PTPRD: variants seen among roughly 807,000 people sequenced by gnomAD.
The protein encoded by PTPRD is protein tyrosine phosphatase receptor type D, also known as receptor-type tyrosine-protein phosphatase delta.
PTPRD carries 34 observed loss-of-function variants against 214.5 expected under a neutral mutation model. That is an observed-to-expected ratio of 0.16 (90% CI 0.12 to 0.21). The LOEUF (loss-of-function observed/expected upper bound fraction) is 0.21, where lower values mean the gene tolerates loss of function less well. Ranked by LOEUF, PTPRD falls within the 10% of genes least tolerant of loss-of-function variation. PTPRD has a pLI of 1.00. For missense variants in PTPRD, 2,545 were observed against 2,398.7 expected (o/e 1.06, Z -1.27); for synonymous variants, 1,128 against 845.7 (o/e 1.33, Z -5.79).
chr9:8,577,015 C>T (rs868233250), intron 14 of PTPRD, among the ~76,000 whole-genome samples: 1 of 152,138 alleles, frequency 6.6e-6, no homozygotes, highest in Non-Finnish European at 1.5e-5. Flanking sequence ...CACAATGCAG[C>T]TAGAGCCAAG....
intron 11 of PTPRD, among the ~76,000 whole-genome samples, chr9:8,903,936 T>A (rs7032026): frequency 0.056 from 8,488 of 152,286 alleles, 744 homozygotes; most frequent in African/African-American, 0.19. Flanking sequence ...TGTCTCATAG[T>A]AGATTTGTAA....
intron 37 of PTPRD, among the ~76,000 whole-genome samples, chr9:8,385,662 T>C (rs1008489480): frequency 6.6e-6 from 1 of 152,182 alleles, no homozygotes; most frequent in African/African-American, 2.4e-5. Flanking sequence ...TAAGGAAACG[T>C]ATCTTCAGTG....
intron 33 of PTPRD, among the ~76,000 whole-genome samples, chr9:8,457,169 A>C (rs2096239641): frequency 6.6e-6 from 1 of 152,124 alleles, no homozygotes; most frequent in South Asian, 2.1e-4. Context: ...CTAACTTTGT[A>C]ATGAAGAAAT....
At chr9:9,572,345 T>G (rs1180189445) in intron 8 of PTPRD, among the ~76,000 whole-genome samples, 1 of 151,326 alleles carries the variant, frequency 6.6e-6, no homozygotes, top group Admixed American at 6.6e-5. Flanking sequence ...TATTTAAGAA[T>G]GTAAGAATGT....
intron 2 of PTPRD, among the ~76,000 whole-genome samples, chr9:10,378,027 C>A (rs1282356448): frequency 6.6e-6 from 1 of 152,038 alleles, no homozygotes; most frequent in Non-Finnish European, 1.5e-5. Flanking sequence ...TCCCTGCTAA[C>A]AGCATATGAG....
intron 8 of PTPRD, among the ~76,000 whole-genome samples, chr9:9,449,686 T>G (rs1300704955): frequency 2.0e-5 from 3 of 152,024 alleles, no homozygotes; most frequent in African/African-American, 7.2e-5. Flanking sequence ...AAATGATTTT[T>G]GGATGTGTAT....
chr9:9,943,663 T>C (rs2092039442), intron 4 of PTPRD, among the ~76,000 whole-genome samples: 1 of 151,968 alleles, frequency 6.6e-6, no homozygotes, highest in Non-Finnish European at 1.5e-5. Context: ...GTGTAGTCAT[T>C]TCAAGAAAGC....
rs1415114902 is a variant in PTPRD, at chr9:9,249,285, G to A, written c.-202-65922C>T. Among the ~76,000 whole-genome samples, 4 of 152,086 alleles carry A rather than the reference G, an allele frequency of 2.6e-5. No homozygotes were observed. The East Asian group carries it at 5.8e-4, about 22-fold the overall frequency. ...CTTCCATCATAAGTAAAGGCTACCT[G>A]AGGGCTCACCAGAATCAGACGCTGG... On this transcript the variant is annotated intron_variant, in intron 9 of 45. Coordinates refer to ENST00000381196, the MANE Select transcript of PTPRD (RefSeq NM_002839.4).
chr9:9,425,986 C>A (rs1418953352), intron 8 of PTPRD, among the ~76,000 whole-genome samples: 2 of 152,126 alleles, frequency 1.3e-5, no homozygotes, highest in African/African-American at 4.8e-5. Flanking sequence ...ATGAGAGACA[C>A]AGAAGATGGG....
At chr9:10,131,056 A>C (rs2098872047) in intron 3 of PTPRD, among the ~76,000 whole-genome samples, 1 of 152,168 alleles carries the variant, frequency 6.6e-6, no homozygotes, top group Non-Finnish European at 1.5e-5. Flanking sequence ...AGCACAAAAC[A>C]AGAACAAAAA....
At chr9:9,922,850 A>T (rs777958183) in intron 5 of PTPRD, among the ~76,000 whole-genome samples, 6 of 152,034 alleles carry the variant, frequency 3.9e-5, no homozygotes, top group Non-Finnish European at 8.8e-5. Flanking sequence ...GACTGAAGAG[A>T]TATGACAACT....
chr9:9,380,109 T>C (rs917584930), intron 9 of PTPRD, among the ~76,000 whole-genome samples: 1 of 152,064 alleles, frequency 6.6e-6, no homozygotes, highest in Non-Finnish European at 1.5e-5. Context: ...TTGAGTGTCT[T>C]ACCATTAAGT....
chr9:9,571,327 A>G (rs191713595), intron 8 of PTPRD, among the ~76,000 whole-genome samples: 2 of 151,472 alleles, frequency 1.3e-5, no homozygotes, highest in South Asian at 2.1e-4. Flanking sequence ...TTCTCTCTCT[A>G]TATATATCTC....
chr9:9,852,092 G>T (rs960146727), intron 5 of PTPRD, among the ~76,000 whole-genome samples: 1 of 151,776 alleles, frequency 6.6e-6, no homozygotes, highest in Non-Finnish European at 1.5e-5. Context: ...ATAAAACAAG[G>T]GAAGATCGAT....
intron 3 of PTPRD, among the ~76,000 whole-genome samples, chr9:10,116,856 C>T (rs1038104531): frequency 4.6e-5 from 7 of 152,072 alleles, no homozygotes; most frequent in Admixed American, 6.6e-5. Flanking sequence ...AGCCTTTGCA[C>T]TTGCTCTTCC....
At chr9:9,680,834 C>A (rs1053625716) in intron 7 of PTPRD, among the ~76,000 whole-genome samples, 5 of 151,782 alleles carry the variant, frequency 3.3e-5, no homozygotes, top group African/African-American at 1.2e-4. Flanking sequence ...AGACCATCCT[C>A]CCTCCTCTTG....
intron 7 of PTPRD, among the ~76,000 whole-genome samples, chr9:9,696,310 T>C (rs1424275268): frequency 6.6e-6 from 1 of 152,152 alleles, no homozygotes; most frequent in African/African-American, 2.4e-5. Flanking sequence ...AAATATTAGT[T>C]AGGCCCATTT....
chr9:9,776,105 A>G (rs2098796874), intron 5 of PTPRD, among the ~76,000 whole-genome samples: 1 of 152,152 alleles, frequency 6.6e-6, no homozygotes, highest in East Asian at 1.9e-4. Context: ...CAGCAGTCTT[A>G]CATGCCCACA....
intron 11 of PTPRD, among the ~76,000 whole-genome samples, chr9:8,919,507 A>G (rs2098810278): frequency 6.6e-6 from 1 of 151,944 alleles, no homozygotes; most frequent in Admixed American, 6.6e-5. Context: ...CTCTATTATT[A>G]TAGTTTTCAT....
Sources: gnomAD v4.1 joint callset for allele counts (sites outside exome capture counted in the v4.1 genomes callset) on GRCh38, gnomAD v4.1.1 for gene constraint, MANE v1.5 for transcripts, NCBI Gene and HGNC (gene_info 2026-07-23, HGNC 2026-07-21) for gene names.